Variants in GCSAML observed in about 807,000 individuals in gnomAD.
GCSAML encodes germinal center associated signaling and motility like.
A neutral mutation model predicts 13.0 loss-of-function variants in GCSAML; 9 were observed. The observed-to-expected ratio is 0.69, with a 90% CI of 0.42 to 1.21. The LOEUF is 1.21. Among genes scored for constraint, GCSAML ranks in the 50% most tolerant of loss-of-function variants. The probability of loss-of-function intolerance (pLI) is 0.00; values close to 1 mark genes in which losing one functional copy is unlikely to be tolerated. For missense variants in GCSAML, 143 were observed against 153.4 expected (o/e 0.93, Z 0.36); for synonymous variants, 37 against 52.9 (o/e 0.70, Z 1.31).
intron 1 of GCSAML, chr1:247,525,895 A>C (rs1666663362): frequency 1.3e-5 from 2 of 152,206 alleles, no homozygotes; most frequent in South Asian, 4.1e-4. Flanking sequence ...GTACCACTTT[A>C]AGGAATCCAA....
In GCSAML at chr1:247,577,139, G is replaced by A. The variant is rs1668867650; in HGVS notation, c.*2757G>A. 1 of 152,132 alleles carries A rather than the reference G, an allele frequency of 6.6e-6. No homozygotes were observed. Among genetic ancestry groups the A allele is most frequent in the African/African-American group, 2.4e-5 (1 of 41,432 alleles). 9.4% of individuals were successfully genotyped at this position (152,132 alleles called of 1,614,324 possible). ...GAACAATAGAATCATTGCTGTATAA[G>A]TGCTTTTTAACCTGTAAATTTTGTG... On this transcript the variant is annotated 3_prime_UTR_variant, in exon 5 of 5. Coordinates refer to ENST00000366488, the MANE Select transcript of GCSAML (RefSeq NM_145278.5).
At chr1:247,553,615 G>T (rs1667852780) in intron 1 of GCSAML, among the ~76,000 whole-genome samples, 1 of 152,168 alleles carries the variant, frequency 6.6e-6, no homozygotes. Flanking sequence ...GTAGAGATGA[G>T]ATTTCACTAT....
At chr1:247,518,092 G>C (rs1437777586) in intron 1 of GCSAML, among the ~76,000 whole-genome samples, 1 of 152,200 alleles carries the variant, frequency 6.6e-6, no homozygotes, top group African/African-American at 2.4e-5. Context: ...CCAAGTGCTA[G>C]TTAACCGCGG....
At chr1:247,531,844 G>T (rs780497675) in intron 2 of GCSAML, 3 of 1,614,172 alleles carry the variant, frequency 1.9e-6, no homozygotes, top group Non-Finnish European at 1.7e-6. Flanking sequence ...CACGGCCCGG[G>T]CAATGTGGCC....
intron 1 of GCSAML, among the ~76,000 whole-genome samples, chr1:247,555,722 A>T (rs919043627): frequency 6.6e-6 from 1 of 152,232 alleles, no homozygotes; most frequent in East Asian, 1.9e-4. Flanking sequence ...AGGAAATGCT[A>T]TGTGTGGACA....
chr1:247,543,932 T>TA (rs1667487058), intron 2 of GCSAML, among the ~76,000 whole-genome samples: 1 of 152,162 alleles, frequency 6.6e-6, no homozygotes, highest in South Asian at 2.1e-4. Flanking sequence ...TGGGACTGAC[T>TA]ACAAGTGTGC....
chr1:247,515,336 T>C (rs1051915038), intron 1 of GCSAML, among the ~76,000 whole-genome samples: 7 of 152,230 alleles, frequency 4.6e-5, no homozygotes, highest in Admixed American at 3.3e-4. Flanking sequence ...GGTTGAGACA[T>C]TGTTGCACTG....
At position 247,531,753 on chromosome 1, in the gene GCSAML, G is replaced by A. The variant is rs529863004; in HGVS notation, c.-148+4699G>A. The stretch of plus-strand genomic sequence containing the variant: ...GGAGATACATGAAGATGATGCTCCC[G>A]TAAAACAGAGACACCACAGCCACGT... On this transcript the variant is annotated intron_variant, in intron 2 of 5. Coordinates refer to the GCSAML transcript ENST00000366489. 9.3e-6 allele frequency: 15 copies of A among 1,614,178 alleles called. No homozygotes were observed. The African/African-American group carries it at 1.2e-4, about 13-fold the overall frequency.
chr1:247,535,749 A>G (rs75507418), intron 2 of GCSAML, among the ~76,000 whole-genome samples: 1 of 152,338 alleles, frequency 6.6e-6, no homozygotes, highest in African/African-American at 2.4e-5. Flanking sequence ...CTGCTTAGTC[A>G]TACTGGAGCT....
chr1:247,516,147 G>A (rs1044098907), intron 1 of GCSAML, among the ~76,000 whole-genome samples: 4 of 152,194 alleles, frequency 2.6e-5, no homozygotes, highest in Non-Finnish European at 5.9e-5. Context: ...GCCACCTACA[G>A]TAAGAACACT....
chr1:247,530,523 C>A (rs928834624), intron 2 of GCSAML: 1 of 141,170 alleles, frequency 7.1e-6, no homozygotes, highest in African/African-American at 2.5e-5. Flanking sequence ...GCCATCCCCC[C>A]CCCACAAAAT....
At chr1:247,515,873 T>C (rs1666193392) in intron 1 of GCSAML, among the ~76,000 whole-genome samples, 1 of 152,172 alleles carries the variant, frequency 6.6e-6, no homozygotes, top group South Asian at 2.1e-4. Context: ...ACACAGTCTT[T>C]TCAGTAAACC....
chr1:247,570,676 T>G (rs1668570548), intron 4 of GCSAML, among the ~76,000 whole-genome samples: 1 of 152,208 alleles, frequency 6.6e-6, no homozygotes, highest in Non-Finnish European at 1.5e-5. Flanking sequence ...GAGAAGAATA[T>G]ATATTTTGTT....
chr1:247,531,816 T>C (rs1443476913), intron 2 of GCSAML: 24 of 1,614,028 alleles, frequency 1.5e-5, no homozygotes, highest in Non-Finnish European at 1.9e-5. Context: ...TCCGCCCTTC[T>C]GCTGACCTGA....
intron 2 of GCSAML, among the ~76,000 whole-genome samples, chr1:247,535,265 T>A (rs1667174043): frequency 6.6e-6 from 1 of 151,990 alleles, no homozygotes; most frequent in Non-Finnish European, 1.5e-5. Context: ...TAATGAGGCA[T>A]GATTGTGCTA....
chr1:247,512,262 T>G (rs1666067147), intron 1 of GCSAML, among the ~76,000 whole-genome samples: 1 of 151,858 alleles, frequency 6.6e-6, no homozygotes, highest in South Asian at 2.1e-4. Context: ...TATGCCGATC[T>G]TCAATCTCTG....
intron 1 of GCSAML, among the ~76,000 whole-genome samples, chr1:247,521,194 A>G (rs2103311904): frequency 6.6e-6 from 1 of 152,220 alleles, no homozygotes; most frequent in South Asian, 2.1e-4. Flanking sequence ...TGGGAATCCA[A>G]AAAAATTGAG....
chr1:247,545,697 A>G (rs1318998413), upstream of GCSAML, among the ~76,000 whole-genome samples: 2 of 152,168 alleles, frequency 1.3e-5, no homozygotes, highest in South Asian at 2.1e-4. Flanking sequence ...GTGTCTATTC[A>G]GTACCTTTGC....
Position 247,574,568 on chromosome 1 carries a change from T to C in GCSAML, c.*186T>C, listed in dbSNP as rs180775710. On this transcript the variant is annotated 3_prime_UTR_variant, in exon 5 of 5. Transcript: ENST00000366488. ...CATCTCTGTGGCTTAGGTGAAATCATAGAAATTGACACAATGACCTAAAAT... is the reference window on the plus strand; with the variant it reads ...CATCTCTGTGGCTTAGGTGAAATCACAGAAATTGACACAATGACCTAAAAT... 2.1e-4 allele frequency: 129 copies of C among 615,770 alleles called. No individual in the cohort carries two copies. In the African/African-American group the frequency reaches 2.1e-3, roughly 10 times the overall value. 38.1% of individuals were successfully genotyped at this position (615,770 alleles called of 1,614,324 possible).
Sources: allele counts gnomAD v4.1 joint callset (sites outside exome capture counted in the v4.1 genomes callset), GRCh38; gene constraint gnomAD v4.1.1; transcripts MANE v1.5; gene names NCBI Gene and HGNC (gene_info 2026-07-23, HGNC 2026-07-21).